The following ARHGAP17 variants were observed in gnomAD, a reference collection of about 807,000 sequenced individuals.
The protein encoded by ARHGAP17 is rho GTPase-activating protein 17.
A neutral mutation model predicts 99.5 loss-of-function variants in ARHGAP17; 57 were observed. That is an observed-to-expected ratio of 0.57 (90% CI 0.46 to 0.71). The LOEUF is 0.71. ARHGAP17 is among the 30% of genes least tolerant of loss of function. The pLI is 0.00. For synonymous variants in ARHGAP17, 417 were observed against 429.6 expected (o/e 0.97, Z 0.36); for missense variants, 1,000 against 1,122.4 (o/e 0.89, Z 1.56).
At chr16:25,012,941 C>T (rs929974731) in intron 1 of ARHGAP17, among the ~76,000 whole-genome samples, 2 of 152,190 alleles carry the variant, frequency 1.3e-5, no homozygotes, top group Admixed American at 6.5e-5. Flanking sequence ...CTAGTAAGAA[C>T]TCAAATACCA....
intron 19 of ARHGAP17, among the ~76,000 whole-genome samples, chr16:24,926,314 G>A (rs1229383804): frequency 6.6e-6 from 1 of 151,972 alleles, no homozygotes; most frequent in Non-Finnish European, 1.5e-5. Flanking sequence ...AGGCTGGAGT[G>A]TAGTGGCACG....
chr16:24,968,434 A>G lies in ARHGAP17; in HGVS notation c.385-7T>C. 6.2e-7 allele frequency: 1 copy of G among 1,614,208 alleles called. No individual in the cohort carries two copies. Among genetic ancestry groups the G allele is most frequent in the South Asian group, 1.1e-5 (1 of 91,084 alleles). The stretch of plus-strand genomic sequence containing the variant: ...GGATGTTGGGAATCTCCACCTAAAA[A>G]TAAGAACATACCAAATGGGATGCAC... On this transcript the variant is annotated splice_polypyrimidine_tract_variant and splice_region_variant and intron_variant, in intron 5 of 19. Transcript: ENST00000289968.
chr16:24,944,928 A>G (rs1277632485), intron 14 of ARHGAP17, among the ~76,000 whole-genome samples: 2 of 151,264 alleles, frequency 1.3e-5, no homozygotes, highest in African/African-American at 4.9e-5. Context: ...TGTGCCTTTT[A>G]TTATGTTGAA....
At chr16:24,926,806 T>C (rs1262143064) in intron 19 of ARHGAP17, among the ~76,000 whole-genome samples, 2 of 152,158 alleles carry the variant, frequency 1.3e-5, no homozygotes, top group African/African-American at 4.8e-5. Flanking sequence ...AGAAGTGAGA[T>C]TCAAAAAACC....
rs114053450 is a variant in ARHGAP17 at position 24,967,292 on chromosome 16, T to C, written c.461+1059A>G. On this transcript the variant is annotated intron_variant, in intron 6 of 19. Coordinates refer to ENST00000289968, the MANE Select transcript of ARHGAP17 (RefSeq NM_001006634.3). ...TGGAACACAGCCATGCTCATTCATG[T>C]ATGCATTGCCTACAGCTGCCTTTAT... 7.2e-3 allele frequency among the ~76,000 whole-genome samples: 1,095 copies of C among 152,356 alleles called. 19 individuals carry two copies. Among genetic ancestry groups the C allele is most frequent in the African/African-American group, 0.025 (1,026 of 41,578 alleles).
chr16:24,968,736 C>T lies in ARHGAP17; in HGVS notation c.309G>A (p.Gln103=), dbSNP rs368315145. ...MLETCGDAEN[Q]LALELSQHEV... ...CGTGCTGGGAGAGCTCGAGAGCCAG[C>T]TGATTCTCAGCATCTCCACACGTCT... The change falls in exon 5 of 20, where the codon CAG becomes CAA. Residue 103 remains glutamine (Q), a synonymous_variant. Coordinates refer to ENST00000289968, the MANE Select transcript of ARHGAP17 (RefSeq NM_001006634.3). 7.4e-6 allele frequency: 12 copies of T among 1,614,218 alleles called. No individual in the cohort carries two copies. In the East Asian group the frequency reaches 2.2e-4, roughly 30 times the overall value.
At chr16:24,979,095 CA>C (rs1396729816) in intron 1 of ARHGAP17, 90 bp from the exon 2 acceptor site, 3 of 903,608 alleles carry the variant, frequency 3.3e-6, no homozygotes, top group African/African-American at 1.8e-5. Context: ...GAGTTTAAAG[CA>C]AAACAGGCAG....
In ARHGAP17 at chr16:24,955,005, G is replaced by T; in HGVS notation, c.725-275C>A. ...GAAGCTGCAGTGGCACGCTGCACCT[G>T]CACCACACTTCATCAACACACGCCA... On this transcript the variant is annotated intron_variant, in intron 9 of 19. Transcript: ENST00000289968. This position sits in a 1 kb window ranked among gnomAD's most constrained non-coding sequence, Gnocchi z 4.0. 1 of 398,560 alleles carries T rather than the reference G, an allele frequency of 2.5e-6. No individual in the cohort carries two copies. The highest frequency in any genetic ancestry group is 4.9e-5 in the East Asian group (1 of 20,366). The allele number at this position is 398,560 out of a possible 1,614,324, so 24.7% of individuals were successfully genotyped here.
chr16:24,997,869 G>T (rs2053242603), intron 1 of ARHGAP17, among the ~76,000 whole-genome samples: 1 of 152,200 alleles, frequency 6.6e-6, no homozygotes, highest in African/African-American at 2.4e-5. Context: ...TTCAGGTGGA[G>T]ATATCCAGTT....
intron 19 of ARHGAP17, among the ~76,000 whole-genome samples, chr16:24,929,039 G>A (rs1429295968): frequency 6.6e-6 from 1 of 152,088 alleles, no homozygotes; most frequent in Admixed American, 6.6e-5. Flanking sequence ...CTCCCGTGCT[G>A]ACTGCACCTG....
rs762190381 is a variant in ARHGAP17 at position 24,935,602 on chromosome 16, G to A, written c.1762C>T (p.Pro588Ser). 7.1e-5 allele frequency: 115 copies of A among 1,613,978 alleles called. 2 individuals carry two copies. In the Admixed American group the frequency reaches 1.9e-3, roughly 27 times the overall value. ...TGACTGTTGTTTCTCCCTGGTGCTGGCACAGCTGCAGATACAGGGTCCTTC... is the reference window on the plus strand; with the variant it reads ...TGACTGTTGTTTCTCCCTGGTGCTGACACAGCTGCAGATACAGGGTCCTTC... ...KPKDPVSAAVPAPGRNNSQIA... is the reference protein window; with the variant it reads ...KPKDPVSAAVSAPGRNNSQIA... Residue 588 changes from proline (P) to serine (S), a missense_variant, in exon 18 of 20, where the codon CCA becomes TCA. Pro to Ser is a moderately conservative substitution (Grantham distance 74). Around this residue, in one of 2 missense-constraint regions of ARHGAP17, gnomAD observed 528 missense variants for 511.4 expected, o/e 1.03. Coordinates refer to ENST00000289968, the MANE Select transcript of ARHGAP17 (RefSeq NM_001006634.3).
intron 17 of ARHGAP17, among the ~76,000 whole-genome samples, chr16:24,937,014 C>T (rs2051158451): frequency 6.6e-6 from 1 of 151,122 alleles, no homozygotes; most frequent in Non-Finnish European, 1.5e-5. Context: ...AGTTGGGAGG[C>T]TGAGGTGGGA....
At chr16:24,947,391 T>A in intron 14 of ARHGAP17, 91 bp downstream of exon 14, 1 of 1,164,486 alleles carries the variant, frequency 8.6e-7, no homozygotes, top group Non-Finnish European at 1.2e-6. Flanking sequence ...GAATTGATCT[T>A]AAACTAGAAT....
chr16:24,935,790 T>C (rs1020446664), intron 17 of ARHGAP17, 151 bp from the exon 18 acceptor site: 1 of 835,736 alleles, frequency 1.2e-6, no homozygotes, highest in African/African-American at 1.7e-5. Flanking sequence ...ACTGGGCTTA[T>C]AAAGCTAATG....
intron 9 of ARHGAP17, among the ~76,000 whole-genome samples, chr16:24,958,044 C>T (rs994282300): frequency 6.6e-6 from 1 of 152,128 alleles, no homozygotes; most frequent in Non-Finnish European, 1.5e-5. Flanking sequence ...AATTGCAACT[C>T]GGTAAAGGGT....
At chr16:24,937,486 G>A (rs867996044) in intron 17 of ARHGAP17, among the ~76,000 whole-genome samples, 1 of 152,052 alleles carries the variant, frequency 6.6e-6, no homozygotes, top group African/African-American at 2.4e-5. Context: ...AAGAAAATAA[G>A]TGAATTTGCT....
chr16:24,944,164 G>A (rs1011827147), intron 14 of ARHGAP17, among the ~76,000 whole-genome samples: 16 of 151,716 alleles, frequency 1.1e-4, no homozygotes, highest in African/African-American at 3.6e-4. Flanking sequence ...CCAGCTACTC[G>A]GGAGGCTGAG....
At position 24,939,608 on chromosome 16, in the gene ARHGAP17, A is replaced by C. The variant is rs370997584; in HGVS notation, c.1491-11T>G. ...AGCTTCACACCAAAGCTACACAGAG[A>C]GAAGAAACAGTCAACACACCATGCG... is the stretch of plus-strand genomic sequence containing the variant. On this transcript the variant is annotated splice_polypyrimidine_tract_variant and intron_variant, in intron 16 of 19. Transcript: ENST00000289968. The C allele has an allele frequency of 6.3e-6, 10 of 1,594,896 alleles. No homozygotes were observed. Among genetic ancestry groups the C allele is most frequent in the Non-Finnish European group, 8.5e-6 (10 of 1,170,984 alleles).
intron 17 of ARHGAP17, 174 bp from the exon 18 acceptor site, chr16:24,935,813 C>T: frequency 5.7e-6 from 4 of 707,492 alleles, no homozygotes; most frequent in Non-Finnish European, 7.1e-6. Flanking sequence ...TACTTGGTGC[C>T]ATATAAAGAG....
Sources: allele counts gnomAD v4.1 joint callset (sites outside exome capture counted in the v4.1 genomes callset), GRCh38; gene constraint gnomAD v4.1.1; regional missense constraint gnomAD v4.1.1; non-coding constraint Gnocchi (gnomAD v3.1); transcripts MANE v1.5; gene names NCBI Gene and HGNC (gene_info 2026-07-23, HGNC 2026-07-21).